Variants in NUBPL observed in about 807,000 individuals in gnomAD.
NUBPL encodes NUBP iron-sulfur cluster assembly factor, mitochondrial.
NUBPL carries 31 observed loss-of-function variants against 45.7 expected under a neutral mutation model. That is an observed-to-expected ratio of 0.68 (90% CI 0.51 to 0.92). NUBPL has a LOEUF of 0.92. Ranked by LOEUF, NUBPL falls within the 40% of genes least tolerant of loss-of-function variation. NUBPL has a pLI of 0.00. For synonymous variants in NUBPL, 144 were observed against 140.9 expected (o/e 1.02, Z -0.15); for missense variants, 401 against 398.7 (o/e 1.01, Z -0.05).
chr14:31,607,237 G>C (rs1447925708), intron 4 of NUBPL, among the ~76,000 whole-genome samples: 1 of 151,938 alleles, frequency 6.6e-6, no homozygotes, highest in Non-Finnish European at 1.5e-5. Context: ...AAAAAATTTG[G>C]CTGGGCGTGG....
chr14:31,848,448 C>T (rs2040487320), intron 9 of NUBPL, among the ~76,000 whole-genome samples: 1 of 152,090 alleles, frequency 6.6e-6, no homozygotes, highest in Admixed American at 6.5e-5. Flanking sequence ...TTCAGTGGGT[C>T]GTGTTTTAAA....
rs1421077815 is a variant in NUBPL, at chr14:31,673,418, G to A, written c.422+24G>A. On this transcript the variant is annotated intron_variant, in intron 5 of 10. Coordinates refer to ENST00000281081, the MANE Select transcript of NUBPL (RefSeq NM_025152.3). ...TGGTGAGCATATATATATTTTTAAT[G>A]TTACTTTTCAGAATAATGTTGATTA... The A allele has an allele frequency of 1.2e-5, 20 of 1,605,868 alleles. No individual in the cohort carries two copies. The East Asian group carries it at 4.2e-4, about 34-fold the overall frequency.
chr14:31,818,769 C>T (rs1393238873), intron 7 of NUBPL, among the ~76,000 whole-genome samples: 6 of 152,130 alleles, frequency 3.9e-5, no homozygotes, highest in South Asian at 2.1e-4. Context: ...AGGATGGTCT[C>T]GATCTCCTGA....
intron 3 of NUBPL, among the ~76,000 whole-genome samples, chr14:31,595,059 T>G (rs1380497540): frequency 6.6e-6 from 1 of 152,242 alleles, no homozygotes; most frequent in Non-Finnish European, 1.5e-5. Flanking sequence ...TAAATTGCAT[T>G]GGAAGAACAA....
intron 10 of NUBPL, among the ~76,000 whole-genome samples, chr14:31,851,685 A>G (rs1266085147): frequency 6.6e-6 from 1 of 152,190 alleles, no homozygotes; most frequent in Non-Finnish European, 1.5e-5. Context: ...AAGTCTGCCA[A>G]TCCCAACTAC....
At chr14:31,847,117 C>T (rs1371387565) in intron 9 of NUBPL, among the ~76,000 whole-genome samples, 1 of 152,076 alleles carries the variant, frequency 6.6e-6, no homozygotes, top group African/African-American at 2.4e-5. Context: ...TAAATAAAAA[C>T]TGTCTATAAC....
intron 3 of NUBPL, among the ~76,000 whole-genome samples, chr14:31,573,702 C>T (rs959584336): frequency 1.3e-5 from 2 of 152,150 alleles, no homozygotes; most frequent in Non-Finnish European, 2.9e-5. Flanking sequence ...TATTTGGATC[C>T]ATATTGTGGA....
At chr14:31,633,444 C>A (rs1335579761) in intron 4 of NUBPL, among the ~76,000 whole-genome samples, 5 of 152,144 alleles carry the variant, frequency 3.3e-5, no homozygotes, top group Non-Finnish European at 7.3e-5. Context: ...GAGATCTTTG[C>A]AAGTTTATTT....
chr14:31,786,536 AG>A (rs58214512), intron 6 of NUBPL, among the ~76,000 whole-genome samples: 7,720 of 152,264 alleles, frequency 0.051, 674 homozygotes, highest in African/African-American at 0.18. Flanking sequence ...TTATGAGGAT[AG>A]TTATCTGCCT....
chr14:31,572,376 T>C (rs1021972948), intron 3 of NUBPL, among the ~76,000 whole-genome samples: 1 of 152,080 alleles, frequency 6.6e-6, no homozygotes, highest in African/African-American at 2.4e-5. Context: ...CCTGACCTCA[T>C]GATCCGCCTG....
chr14:31,699,822 T>C (rs2037292905), intron 6 of NUBPL, among the ~76,000 whole-genome samples: 1 of 152,316 alleles, frequency 6.6e-6, no homozygotes, highest in South Asian at 2.1e-4. Context: ...TTTTTAGTAG[T>C]GTTTGGCAAT....
chr14:31,581,100 T>C (rs1411216378), intron 3 of NUBPL, among the ~76,000 whole-genome samples: 1 of 152,058 alleles, frequency 6.6e-6, no homozygotes, highest in African/African-American at 2.4e-5. Flanking sequence ...ACTATGGTGG[T>C]AGAGGTAGTG....
At chr14:31,689,955 T>C (rs2037055228) in intron 6 of NUBPL, among the ~76,000 whole-genome samples, 2 of 151,992 alleles carry the variant, frequency 1.3e-5, no homozygotes, top group Admixed American at 6.6e-5. Flanking sequence ...GTCAGCATTG[T>C]TAAAGATCAG....
intron 8 of NUBPL, among the ~76,000 whole-genome samples, chr14:31,828,067 T>C (rs2040133664): frequency 6.6e-6 from 1 of 152,208 alleles, no homozygotes; most frequent in East Asian, 1.9e-4. Context: ...TTCCAGGTGG[T>C]CCAAGGGTTT....
chr14:31,804,627 G>A (rs2039650472), intron 7 of NUBPL, among the ~76,000 whole-genome samples: 1 of 152,088 alleles, frequency 6.6e-6, no homozygotes, highest in African/African-American at 2.4e-5. Context: ...CAGAAGTAAG[G>A]CCGCACATCT....
chr14:31,584,656 C>G (rs2033949591), intron 3 of NUBPL, among the ~76,000 whole-genome samples: 1 of 152,158 alleles, frequency 6.6e-6, no homozygotes, highest in Non-Finnish European at 1.5e-5. Flanking sequence ...TACTTTCTGT[C>G]TCTATAGATT....
chr14:31,847,460 G>A (rs939311770), intron 9 of NUBPL, among the ~76,000 whole-genome samples: 18 of 152,210 alleles, frequency 1.2e-4, no homozygotes, highest in African/African-American at 4.3e-4. Context: ...CTGAACTGAA[G>A]AGTTCATTAG....
At chr14:31,620,184 C>T (rs1354457733) in intron 4 of NUBPL, among the ~76,000 whole-genome samples, 8 of 151,858 alleles carry the variant, frequency 5.3e-5, no homozygotes, top group South Asian at 4.1e-4. Context: ...ATTCATCTGA[C>T]GTTTTTTCAA....
intron 4 of NUBPL, among the ~76,000 whole-genome samples, chr14:31,648,096 C>A (rs374910737): frequency 1.1e-4 from 17 of 152,198 alleles, no homozygotes; most frequent in African/African-American, 4.1e-4. Flanking sequence ...TCTGTTGTAT[C>A]TTTTCTGTCA....
Sources: gnomAD v4.1 joint callset for allele counts (sites outside exome capture counted in the v4.1 genomes callset) on GRCh38, gnomAD v4.1.1 for gene constraint, MANE v1.5 for transcripts, NCBI Gene and HGNC (gene_info 2026-07-23, HGNC 2026-07-21) for gene names.